UNC5D: variants seen among roughly 807,000 people sequenced by gnomAD.
UNC5D encodes the protein unc-5 netrin receptor D.
UNC5D carries 39 observed loss-of-function variants against 105.4 expected under a neutral mutation model. The ratio of observed to expected loss-of-function variants is 0.37; its 90% CI spans 0.29 to 0.48. The LOEUF is 0.48. UNC5D is among the 20% of genes least tolerant of loss of function. The probability of loss-of-function intolerance (pLI) is 0.98; values close to 1 mark genes in which losing one functional copy is unlikely to be tolerated. For synonymous variants in UNC5D, 452 were observed against 450.4 expected (o/e 1.00, Z -0.04); for missense variants, 991 against 1,202.4 (o/e 0.82, Z 2.60).
At chr8:35,551,961 T>C (rs1816183518) in intron 2 of UNC5D, among the ~76,000 whole-genome samples, 1 of 152,198 alleles carries the variant, frequency 6.6e-6, no homozygotes, top group African/African-American at 2.4e-5. Context: ...ACTAAACATC[T>C]TATTTACATG....
intron 4 of UNC5D, among the ~76,000 whole-genome samples, chr8:35,609,512 C>T (rs533980948): frequency 3.9e-5 from 6 of 152,300 alleles, no homozygotes; most frequent in Non-Finnish European, 7.3e-5. Flanking sequence ...AATGTTCATA[C>T]CCTTCCACAG....
chr8:35,453,384 C>A (rs1186147607), intron 1 of UNC5D, among the ~76,000 whole-genome samples: 1 of 152,002 alleles, frequency 6.6e-6, no homozygotes, highest in African/African-American at 2.4e-5. Context: ...AAAAGGAAAT[C>A]CAAGGACATA....
intron 1 of UNC5D, among the ~76,000 whole-genome samples, chr8:35,430,158 C>G (rs1453343659): frequency 6.6e-6 from 1 of 152,104 alleles, no homozygotes; most frequent in Admixed American, 6.6e-5. Context: ...TTTCAGCCTG[C>G]TCAACCTCCA....
At chr8:35,271,713 T>TATATATA (rs1563268302) in intron 1 of UNC5D, among the ~76,000 whole-genome samples, 1 of 85,392 alleles carries the variant, frequency 1.2e-5, no homozygotes, top group African/African-American at 5.8e-5. Context: ...ACATATATAT[T>TATATATA]TATACATGTA....
At chr8:35,271,642 AC>A (rs2079132330) in intron 1 of UNC5D, among the ~76,000 whole-genome samples, 1 of 141,264 alleles carries the variant, frequency 7.1e-6, no homozygotes, top group African/African-American at 2.6e-5. Flanking sequence ...TATTATGTAT[AC>A]CATATGTATA....
At chr8:35,571,698 A>AGCACTTTGCTGCTATTTGTAAG (rs1817735818) in intron 3 of UNC5D, among the ~76,000 whole-genome samples, 1 of 152,226 alleles carries the variant, frequency 6.6e-6, no homozygotes, top group Non-Finnish European at 1.5e-5. Flanking sequence ...CCTGCAAGTG[A>AGCACTTTGCTGCTATTTGTAAG]CACACTGTGT....
intron 1 of UNC5D, among the ~76,000 whole-genome samples, chr8:35,501,054 T>A (rs530968549): frequency 6.6e-6 from 1 of 152,256 alleles, no homozygotes; most frequent in East Asian, 1.9e-4. Flanking sequence ...TTGCCAGTGG[T>A]TAGCACAGCA....
intron 1 of UNC5D, among the ~76,000 whole-genome samples, chr8:35,478,310 T>C (rs532104402): frequency 6.6e-6 from 1 of 152,256 alleles, no homozygotes; most frequent in Non-Finnish European, 1.5e-5. Context: ...TTCTTTCAGG[T>C]TGGTAACTAA....
intron 1 of UNC5D, among the ~76,000 whole-genome samples, chr8:35,325,863 C>T (rs1395790822): frequency 2.0e-5 from 3 of 152,118 alleles, no homozygotes; most frequent in Non-Finnish European, 4.4e-5. Context: ...AAACATCATC[C>T]TATCATCGTC....
At chr8:35,266,747 C>T (rs922037050) in intron 1 of UNC5D, among the ~76,000 whole-genome samples, 8 of 152,132 alleles carry the variant, frequency 5.3e-5, no homozygotes, top group South Asian at 2.1e-4. Flanking sequence ...ATGCAAGTTT[C>T]TTCACTCATA....
intron 2 of UNC5D, among the ~76,000 whole-genome samples, chr8:35,562,483 T>C (rs7821725): frequency 0.23 from 34,556 of 151,998 alleles, 6,073 homozygotes; most frequent in African/African-American, 0.48. Context: ...CTCCACATTC[T>C]CTCTAGCACC....
rs191431093 is a variant in UNC5D, at chr8:35,788,203, G to A, written c.2658-2156G>A. On this transcript the variant is annotated intron_variant, in intron 16 of 16. Transcript: ENST00000404895. Reference sequence around the variant, plus strand: ...AATTGCTGTGTGTGTGTGTGTGTGTGTGCGTGCATGCATCTGTGGCTCTTA... The same window carrying A: ...AATTGCTGTGTGTGTGTGTGTGTGTATGCGTGCATGCATCTGTGGCTCTTA... 2.0e-5 allele frequency among the ~76,000 whole-genome samples: 3 copies of A among 152,166 alleles called. No individual in the cohort carries two copies. The East Asian group carries it at 5.8e-4, about 29-fold the overall frequency.
chr8:35,447,317 T>C (rs1010660399), intron 1 of UNC5D, among the ~76,000 whole-genome samples: 14 of 152,050 alleles, frequency 9.2e-5, no homozygotes, highest in African/African-American at 3.4e-4. Flanking sequence ...GCATATAGCA[T>C]TCAGGGGGTT....
At chr8:35,405,745 T>G (rs2128953880) in intron 1 of UNC5D, among the ~76,000 whole-genome samples, 1 of 152,308 alleles carries the variant, frequency 6.6e-6, no homozygotes, top group African/African-American at 2.4e-5. Context: ...TTTTCTAATT[T>G]TCATCTTCAT....
At chr8:35,447,118 T>C (rs1807847136) in intron 1 of UNC5D, among the ~76,000 whole-genome samples, 1 of 152,080 alleles carries the variant, frequency 6.6e-6, no homozygotes, top group Non-Finnish European at 1.5e-5. Flanking sequence ...ATAGCTTGTC[T>C]AATTTGTATA....
intron 1 of UNC5D, among the ~76,000 whole-genome samples, chr8:35,399,986 T>A (rs1804351332): frequency 6.6e-6 from 1 of 152,088 alleles, no homozygotes; most frequent in South Asian, 2.1e-4. Context: ...GAGGAGAAAC[T>A]ACCACTTCTT....
At chr8:35,647,068 G>T (rs1243924746) in intron 4 of UNC5D, among the ~76,000 whole-genome samples, 1 of 152,124 alleles carries the variant, frequency 6.6e-6, no homozygotes, top group East Asian at 1.9e-4. Context: ...TTCATTAGCA[G>T]ATCTTAATGA....
chr8:35,344,445 GAAGACTGT>G, intron 1 of UNC5D, among the ~76,000 whole-genome samples: 1 of 152,138 alleles, frequency 6.6e-6, no homozygotes, highest in South Asian at 2.1e-4. Flanking sequence ...TGTAACTACA[GAAGACTGT>G]AAATGATATC....
rs10524805 is a variant in UNC5D, at chr8:35,538,395, TTATATATA to T, written c.104-10859_104-10852del. On this transcript the variant is annotated intron_variant, in intron 1 of 16. Coordinates refer to ENST00000404895, the MANE Select transcript of UNC5D (RefSeq NM_080872.4). ...TCAGTCGTGATTTAAAAAAAAATAATTATATATATATATATATATATATATATATATAT... is the reference window on the plus strand; with the variant it reads ...TCAGTCGTGATTTAAAAAAAAATAATTATATATATATATATATATATATAT... 7.1e-3 allele frequency among the ~76,000 whole-genome samples: 581 copies of T among 82,382 alleles called. 1 individual carries two copies. Among genetic ancestry groups the T allele is most frequent in the Middle Eastern group, 0.011 (1 of 94 alleles). The allele number at this position is 82,382 out of a possible 152,430, so 54.0% of individuals were successfully genotyped here.
Sources: allele counts gnomAD v4.1 joint callset (sites outside exome capture counted in the v4.1 genomes callset), GRCh38; gene constraint gnomAD v4.1.1; transcripts MANE v1.5; gene names NCBI Gene and HGNC (gene_info 2026-07-23, HGNC 2026-07-21).